PRRX2: variants seen among roughly 807,000 people sequenced by gnomAD.
The protein encoded by PRRX2 is paired mesoderm homeobox protein 2.
Under a neutral mutation model 18.0 loss-of-function variants are expected in PRRX2, and 11 were observed. The observed-to-expected ratio is 0.61, with a 90% CI of 0.39 to 1.01. PRRX2 has a LOEUF of 1.01. Among genes scored for constraint, PRRX2 ranks in the 50% least tolerant of loss-of-function variants. PRRX2 has a pLI of 0.01. For missense variants in PRRX2, 387 were observed against 351.0 expected, an observed-to-expected ratio of 1.10 and a Z score of -0.82; for synonymous variants, 177 against 154.8, an observed-to-expected ratio of 1.14 and a Z score of -1.06.
In PRRX2 at chr9:129,668,506, G is replaced by A. The variant is rs145688533; in HGVS notation, c.259+2380G>A. Among the ~76,000 whole-genome samples the A allele has an allele frequency of 1.4e-3, 212 of 152,196 alleles. 2 individuals carry two copies. The highest frequency in any genetic ancestry group is 3.9e-3 in the Admixed American group (60 of 15,284). On this transcript the variant is annotated intron_variant, in intron 1 of 3. Transcript: ENST00000372469. ...AAAGAAAGATGGTCTGGCCGGGGGCGGTGGCTCACACCTGTAACCCCAGTG... is the reference window on the plus strand; with the variant it reads ...AAAGAAAGATGGTCTGGCCGGGGGCAGTGGCTCACACCTGTAACCCCAGTG...
intron 1 of PRRX2, among the ~76,000 whole-genome samples, chr9:129,711,711 A>G (rs1392795841): frequency 6.6e-6 from 1 of 152,088 alleles, no homozygotes; most frequent in Non-Finnish European, 1.5e-5. Context: ...GCCCGGCCTC[A>G]GGTGAGATTC....
At chr9:129,676,800 G>A (rs537072225) in intron 1 of PRRX2, among the ~76,000 whole-genome samples, 3 of 152,338 alleles carry the variant, frequency 2.0e-5, no homozygotes, top group Non-Finnish European at 4.4e-5. Context: ...AAGCCGAAGC[G>A]TGATGCCCCC....
intron 1 of PRRX2, 27 bp from the exon 2 acceptor site, chr9:129,719,204 A>G: frequency 6.5e-7 from 1 of 1,526,844 alleles, no homozygotes. Context: ...CGTCCTGCTG[A>G]CCATCCCGCC....
chr9:129,672,882 G>GTTCATTCATTCA (rs3054758), intron 1 of PRRX2, among the ~76,000 whole-genome samples: 1 of 150,150 alleles, frequency 6.7e-6, no homozygotes, highest in African/African-American at 2.5e-5. Context: ...TCCCGCACTT[G>GTTCATTCATTCA]TTCATTCATT....
At chr9:129,702,385 G>A (rs919541707) in intron 1 of PRRX2, among the ~76,000 whole-genome samples, 4 of 150,512 alleles carry the variant, frequency 2.7e-5, no homozygotes, top group Non-Finnish European at 5.9e-5. Flanking sequence ...GCGACAGAGC[G>A]AGACTCCGTC....
At chr9:129,719,847 C>T (rs1055466524) in intron 2 of PRRX2, among the ~76,000 whole-genome samples, 3 of 152,090 alleles carry the variant, frequency 2.0e-5, no homozygotes, top group Admixed American at 1.3e-4. Flanking sequence ...ATTATCCGGG[C>T]GTGCTGGCGC....
chr9:129,666,842 G>A (rs73636743), intron 1 of PRRX2, among the ~76,000 whole-genome samples: 1,601 of 152,300 alleles, frequency 0.011, 34 homozygotes, highest in African/African-American at 0.037. Context: ...AGTCCTCGCG[G>A]CTCAGCACAC....
intron 1 of PRRX2, among the ~76,000 whole-genome samples, chr9:129,672,199 A>T (rs957293042): frequency 6.6e-6 from 1 of 152,062 alleles, no homozygotes; most frequent in Non-Finnish European, 1.5e-5. Context: ...GCAGTGTACC[A>T]CCCTGGGCCA....
chr9:129,668,109 C>T (rs1012154823), intron 1 of PRRX2, among the ~76,000 whole-genome samples: 2 of 152,142 alleles, frequency 1.3e-5, no homozygotes, highest in African/African-American at 4.8e-5. Context: ...GGGCTCCGCC[C>T]GGGGTGTGGC....
chr9:129,702,413 A>AT (rs1449540104), intron 1 of PRRX2, among the ~76,000 whole-genome samples: 1 of 152,078 alleles, frequency 6.6e-6, no homozygotes, highest in Non-Finnish European at 1.5e-5. Context: ...AAAAAAAAAA[A>AT]CTTTCTAGAA....
chr9:129,676,845 A>G (rs368269814), intron 1 of PRRX2, among the ~76,000 whole-genome samples: 2 of 152,236 alleles, frequency 1.3e-5, no homozygotes, highest in South Asian at 2.1e-4. Context: ...ACCTGGAGAA[A>G]GAAGGGCTGC....
chr9:129,705,756 C>G (rs13296063), intron 1 of PRRX2, among the ~76,000 whole-genome samples: 151,975 of 152,202 alleles, frequency 1, 75,874 homozygotes, highest in Middle Eastern at 1. Flanking sequence ...TGCTGTGACC[C>G]GGCCGCATGG....
At chr9:129,705,770 C>T (rs958508976) in intron 1 of PRRX2, among the ~76,000 whole-genome samples, 3 of 152,028 alleles carry the variant, frequency 2.0e-5, no homozygotes, top group Non-Finnish European at 2.9e-5. Flanking sequence ...CGCATGGGGA[C>T]ATTCTGTGCG....
chr9:129,675,799 C>T lies in PRRX2; in HGVS notation c.259+9673C>T, dbSNP rs895485002. On this transcript the variant is annotated intron_variant, in intron 1 of 3. Transcript: ENST00000372469. This position sits in a 1 kb window ranked among gnomAD's most constrained non-coding sequence, Gnocchi z 4.4. Reference sequence around the variant, plus strand: ...CAAAGCGGGAGCCGCCAGGCGGGCGCGCCTGGCAGGGGCCTCGCAGCCTCT... The same window carrying T: ...CAAAGCGGGAGCCGCCAGGCGGGCGTGCCTGGCAGGGGCCTCGCAGCCTCT... 1.3e-5 allele frequency among the ~76,000 whole-genome samples: 2 copies of T among 152,212 alleles called. No homozygotes were observed. Among genetic ancestry groups the T allele is most frequent in the Admixed American group, 6.5e-5 (1 of 15,288 alleles).
chr9:129,672,882 GTTCATTCATTCATTCATTCATTCA>G (rs3054758), intron 1 of PRRX2, among the ~76,000 whole-genome samples: 220 of 150,152 alleles, frequency 1.5e-3, no homozygotes, highest in African/African-American at 5.1e-3. Context: ...TCCCGCACTT[GTTCATTCATTCATTCATTCATTCA>G]TTCATTCATT....
intron 1 of PRRX2, among the ~76,000 whole-genome samples, chr9:129,678,789 C>T (rs1832192209): frequency 6.6e-6 from 1 of 152,154 alleles, no homozygotes; most frequent in Admixed American, 6.5e-5. Flanking sequence ...CTCCGGCCCT[C>T]TCTGGGGGCG....
chr9:129,698,884 G>T lies in PRRX2; in HGVS notation c.260-20347G>T, dbSNP rs1201984986. On this transcript the variant is annotated intron_variant, in intron 1 of 3. Transcript: ENST00000372469. ...TGGGATCAAATCTTCCTGGTGTCTG[G>T]AGGCTCAGGAAACAAGGTGGTTCGT... Among the ~76,000 whole-genome samples the T allele has an allele frequency of 2.6e-5, 4 of 152,200 alleles. No homozygotes were observed. The East Asian group carries it at 7.7e-4, about 29-fold the overall frequency.
At chr9:129,707,647 C>T (rs907658146) in intron 1 of PRRX2, among the ~76,000 whole-genome samples, 1 of 151,920 alleles carries the variant, frequency 6.6e-6, no homozygotes, top group African/African-American at 2.4e-5. Context: ...AAAAATTAAC[C>T]CGGTACGGTG....
intron 1 of PRRX2, among the ~76,000 whole-genome samples, chr9:129,696,157 C>A (rs73627640): frequency 0.016 from 2,371 of 151,922 alleles, 68 homozygotes; most frequent in African/African-American, 0.054. Context: ...CCTCCACTCA[C>A]CAACTGGCTA....
Sources: allele counts gnomAD v4.1 joint callset (sites outside exome capture counted in the v4.1 genomes callset), GRCh38; gene constraint gnomAD v4.1.1; non-coding constraint Gnocchi (gnomAD v3.1); transcripts MANE v1.5; gene names NCBI Gene and HGNC (gene_info 2026-07-23, HGNC 2026-07-21).